Variants in AGBL1 observed in about 807,000 individuals in gnomAD.
The protein encoded by AGBL1 is cytosolic carboxypeptidase 4.
AGBL1 carries 130 observed loss-of-function variants against 118.9 expected under a neutral mutation model. The observed-to-expected ratio is 1.09, with a 90% CI of 0.95 to 1.26. AGBL1 has a LOEUF of 1.26. Ranked by LOEUF, AGBL1 falls within the 50% of genes most tolerant of loss-of-function variation. AGBL1 has a pLI of 0.00. For synonymous variants in AGBL1, 555 were observed against 478.9 expected (o/e 1.16, Z -2.08); for missense variants, 1,584 against 1,298.1 (o/e 1.22, Z -3.38).
intron 22 of AGBL1, among the ~76,000 whole-genome samples, chr15:86,869,641 T>C (rs1425970847): frequency 6.6e-6 from 1 of 152,152 alleles, no homozygotes; most frequent in Non-Finnish European, 1.5e-5. Context: ...AAACTTTGCT[T>C]GACTTGATTC....
chr15:86,243,185 C>T lies in AGBL1; in HGVS notation c.527-4486C>T, dbSNP rs780645332. On this transcript the variant is annotated intron_variant, in intron 6 of 22. Transcript: ENST00000614907. ...GATTGTCAAAGTTTGTTGTAGAACG[C>T]GTAAGGATTAAAACTACAGAAAACT... Among the ~76,000 whole-genome samples, 5 of 152,178 alleles carry T rather than the reference C, an allele frequency of 3.3e-5. 1 individual carries two copies. The South Asian group carries it at 6.2e-4, about 19-fold the overall frequency.
chr15:86,389,117 T>C (rs1454521932), intron 17 of AGBL1, among the ~76,000 whole-genome samples: 1 of 152,184 alleles, frequency 6.6e-6, no homozygotes, highest in Non-Finnish European at 1.5e-5. Context: ...GGGTTAGGAT[T>C]ATTTTCCTGG....
chr15:86,287,301 G>C (rs2079469949), intron 16 of AGBL1, among the ~76,000 whole-genome samples: 1 of 152,078 alleles, frequency 6.6e-6, no homozygotes, highest in African/African-American at 2.4e-5. Context: ...CAATTTGTGG[G>C]TTGTCTCTTT....
intron 24 of AGBL1, among the ~76,000 whole-genome samples, chr15:87,014,929 G>A (rs192212431): frequency 2.4e-4 from 37 of 152,160 alleles, no homozygotes; most frequent in South Asian, 6.2e-4. Flanking sequence ...GTTTCTCGGC[G>A]TCTCTCTAAG....
intron 22 of AGBL1, among the ~76,000 whole-genome samples, chr15:86,893,741 ACT>A (rs1048985472): frequency 6.6e-6 from 1 of 152,158 alleles, no homozygotes; most frequent in African/African-American, 2.4e-5. Flanking sequence ...TTGTCTCCAA[ACT>A]CTGTGGAAAG....
At chr15:86,770,868 G>A (rs957702886) in intron 22 of AGBL1, among the ~76,000 whole-genome samples, 2 of 151,990 alleles carry the variant, frequency 1.3e-5, no homozygotes, top group Non-Finnish European at 2.9e-5. Context: ...CTGTGCTAAG[G>A]GCAGGGAGGC....
At chr15:86,870,486 A>AAAAAAAAAAAAAAAAAAAAAAAAC (rs2079709756) in intron 22 of AGBL1, among the ~76,000 whole-genome samples, 1 of 124,600 alleles carries the variant, frequency 8.0e-6, no homozygotes, top group African/African-American at 2.8e-5. Context: ...AAAAAAAAAA[A>AAAAAAAAAAAAAAAAAAAAAAAAC]AAAAAAAAAA....
chr15:86,197,851 G>C (rs1358510089), intron 5 of AGBL1, among the ~76,000 whole-genome samples: 1 of 151,528 alleles, frequency 6.6e-6, no homozygotes, highest in Non-Finnish European at 1.5e-5. Context: ...GGATGCTTCA[G>C]GACAGAACAA....
At chr15:86,374,778 G>A (rs1049035085) in intron 17 of AGBL1, among the ~76,000 whole-genome samples, 1 of 152,182 alleles carries the variant, frequency 6.6e-6, no homozygotes, top group Non-Finnish European at 1.5e-5. Flanking sequence ...TGGCACACAG[G>A]AGCCAGACTG....
At chr15:86,258,106 T>G in intron 9 of AGBL1, 75 bp downstream of exon 9, 1 of 1,493,468 alleles carries the variant, frequency 6.7e-7, no homozygotes, top group Admixed American at 2.0e-5. Flanking sequence ...TTCCTGTGTT[T>G]GCCCAAGCCC....
chr15:86,755,378 A>G (rs1188013180), intron 22 of AGBL1, among the ~76,000 whole-genome samples: 2 of 152,102 alleles, frequency 1.3e-5, no homozygotes, highest in African/African-American at 4.8e-5. Flanking sequence ...AGGAACACCC[A>G]GAGTCCTGAG....
chr15:86,178,412 A>C (rs750629404), intron 5 of AGBL1, among the ~76,000 whole-genome samples: 2 of 152,248 alleles, frequency 1.3e-5, no homozygotes, highest in Non-Finnish European at 2.9e-5. Context: ...AAATTCCTAC[A>C]ATTTCTGTAG....
intron 17 of AGBL1, among the ~76,000 whole-genome samples, chr15:86,324,943 C>T (rs756223305): frequency 3.3e-5 from 5 of 151,896 alleles, no homozygotes; most frequent in African/African-American, 7.3e-5. Context: ...GTTTCAGGAT[C>T]GGAAAGGAGG....
At chr15:86,660,094 G>T (rs2085515901) in intron 21 of AGBL1, among the ~76,000 whole-genome samples, 2 of 151,584 alleles carry the variant, frequency 1.3e-5, no homozygotes, top group South Asian at 2.1e-4. Context: ...TATCTAGTAA[G>T]CAGAACCATA....
At chr15:86,647,575 C>G (rs1167858267) in intron 21 of AGBL1, among the ~76,000 whole-genome samples, 1 of 152,140 alleles carries the variant, frequency 6.6e-6, no homozygotes, top group Non-Finnish European at 1.5e-5. Flanking sequence ...GTGGTGCATA[C>G]CTGTAACCCC....
chr15:86,312,226 C>G (rs577554691), intron 17 of AGBL1: 1 of 152,294 alleles, frequency 6.6e-6, no homozygotes, highest in Non-Finnish European at 1.5e-5. Flanking sequence ...TAGAGGAAAA[C>G]CGATGTGAAT....
chr15:86,677,179 T>C (rs75328809), intron 22 of AGBL1, among the ~76,000 whole-genome samples: 1,711 of 152,264 alleles, frequency 0.011, 26 homozygotes, highest in East Asian at 0.072. Context: ...TCATTTACCA[T>C]AAAAACAATT....
intron 18 of AGBL1, among the ~76,000 whole-genome samples, chr15:86,446,265 A>G (rs893295807): frequency 3.8e-4 from 58 of 152,250 alleles, no homozygotes; most frequent in African/African-American, 1.4e-3. Flanking sequence ...GAGCATATTA[A>G]ACCTTCATGC....
chr15:86,113,219 T>TTTCTTTTCTTTTCTTTTCTG (rs1164380790), intron 1 of AGBL1, among the ~76,000 whole-genome samples: 3 of 60,472 alleles, frequency 5.0e-5, no homozygotes, highest in Non-Finnish European at 8.3e-5. Context: ...TTCTTTTTCT[T>TTTCTTTTCTTTTCTTTTCTG]TTCTTTTCTT....
Sources: allele counts gnomAD v4.1 joint callset (sites outside exome capture counted in the v4.1 genomes callset), GRCh38; gene constraint gnomAD v4.1.1; transcripts MANE v1.5; gene names NCBI Gene and HGNC (gene_info 2026-07-23, HGNC 2026-07-21).